ANO3: variants seen among roughly 807,000 people sequenced by gnomAD.
ANO3 encodes the protein anoctamin-3.
A neutral mutation model predicts 144.8 loss-of-function variants in ANO3; 99 were observed. The ratio of observed to expected loss-of-function variants is 0.68; its 90% CI spans 0.58 to 0.81. The LOEUF (loss-of-function observed/expected upper bound fraction) is 0.81, where lower values mean the gene tolerates loss of function less well. ANO3 is among the 30% of genes least tolerant of loss of function. The pLI, the probability that ANO3 is intolerant of heterozygous loss-of-function variation, is 0.00. For synonymous variants in ANO3, 414 were observed against 392.6 expected, an observed-to-expected ratio of 1.05 and a Z score of -0.64; for missense variants, 905 against 1,202.2, an observed-to-expected ratio of 0.75 and a Z score of 3.66.
intron 4 of ANO3, among the ~76,000 whole-genome samples, chr11:26,480,545 T>A (rs1371541149): frequency 6.6e-6 from 1 of 152,144 alleles, no homozygotes; most frequent in Non-Finnish European, 1.5e-5. Flanking sequence ...CGGGCACTCA[T>A]GCCTGTAATC....
At chr11:26,193,393 G>T (rs1285488339) in intron 1 of ANO3, among the ~76,000 whole-genome samples, 1 of 152,006 alleles carries the variant, frequency 6.6e-6, no homozygotes, top group Non-Finnish European at 1.5e-5. Flanking sequence ...ACCCGCCTCA[G>T]CCTCCCAAAG....
At chr11:26,502,850 A>G (rs1430594522) in intron 4 of ANO3, among the ~76,000 whole-genome samples, 3 of 91,524 alleles carry the variant, frequency 3.3e-5, no homozygotes, top group Admixed American at 1.0e-4. Context: ...ACATTCAGGG[A>G]AAAAAAAAAA....
chr11:26,554,592 G>A (rs912903745), intron 13 of ANO3, among the ~76,000 whole-genome samples: 21 of 152,106 alleles, frequency 1.4e-4, no homozygotes, highest in African/African-American at 4.8e-4. Context: ...ACCGAGCCTC[G>A]GTGTGGTCAA....
At chr11:26,640,560 T>A (rs1291789732) in intron 21 of ANO3, among the ~76,000 whole-genome samples, 1 of 152,194 alleles carries the variant, frequency 6.6e-6, no homozygotes, top group Non-Finnish European at 1.5e-5. Context: ...ACTCCATAAG[T>A]ATCAACAAGA....
intron 1 of ANO3, among the ~76,000 whole-genome samples, chr11:26,208,658 T>C (rs560593864): frequency 1.6e-4 from 25 of 152,280 alleles, no homozygotes; most frequent in African/African-American, 4.8e-4. Context: ...CCTCAGGGAA[T>C]TGAATGATTC....
At chr11:26,652,015 C>A (rs182761516) in intron 24 of ANO3, among the ~76,000 whole-genome samples, 39 of 152,266 alleles carry the variant, frequency 2.6e-4, no homozygotes, top group African/African-American at 8.9e-4. Context: ...AAACCAGTTG[C>A]CCAATCACCG....
At chr11:26,199,142 CA>C (rs1851644577) in intron 1 of ANO3, among the ~76,000 whole-genome samples, 1 of 151,148 alleles carries the variant, frequency 6.6e-6, no homozygotes, top group African/African-American at 2.4e-5. Flanking sequence ...GGCCTGGTAA[CA>C]TTAATCTGTG....
At chr11:26,497,003 C>T (rs1239766671) in intron 4 of ANO3, among the ~76,000 whole-genome samples, 2 of 96,460 alleles carry the variant, frequency 2.1e-5, no homozygotes, top group African/African-American at 7.3e-5. Context: ...TATACACACA[C>T]AGACACACAC....
At chr11:26,193,498 T>G (rs1851519619) in intron 1 of ANO3, among the ~76,000 whole-genome samples, 1 of 152,190 alleles carries the variant, frequency 6.6e-6, no homozygotes, top group African/African-American at 2.4e-5. Context: ...GTTTGTATCT[T>G]ACTTCCACAT....
At chr11:26,452,263 C>G (rs1858973335) in intron 3 of ANO3, among the ~76,000 whole-genome samples, 1 of 152,180 alleles carries the variant, frequency 6.6e-6, no homozygotes, top group Admixed American at 6.5e-5. Flanking sequence ...GAGAAGAAGG[C>G]TTCAGATGAT....
rs566242104 is a variant in ANO3, at chr11:26,410,764, G to C, written c.47-31154G>C. The stretch of plus-strand genomic sequence containing the variant: ...GAAAAGAAGGTTAACAGCTGGAACT[G>C]TCTGAATGTAGAATAGGCTACACCG... On this transcript the variant is annotated intron_variant, in intron 1 of 26. Coordinates refer to ENST00000256737, the MANE Select transcript of ANO3 (RefSeq NM_031418.4). Among the ~76,000 whole-genome samples the C allele has an allele frequency of 3.9e-5, 6 of 152,114 alleles. No individual in the cohort carries two copies. The South Asian group carries it at 1.2e-3, about 32-fold the overall frequency.
intron 1 of ANO3, among the ~76,000 whole-genome samples, chr11:26,318,577 G>T (rs1854682867): frequency 6.6e-6 from 1 of 152,206 alleles, no homozygotes. Context: ...ACAATTCGTG[G>T]TTCTATATAA....
At chr11:26,247,480 A>G (rs750964870) in intron 1 of ANO3, among the ~76,000 whole-genome samples, 1 of 152,222 alleles carries the variant, frequency 6.6e-6, no homozygotes, top group Non-Finnish European at 1.5e-5. Context: ...AACATGCTTC[A>G]TCAGTCACAC....
chr11:26,523,691 A>G (rs189735224), intron 6 of ANO3, among the ~76,000 whole-genome samples: 1 of 152,336 alleles, frequency 6.6e-6, no homozygotes, highest in East Asian at 1.9e-4. Context: ...TTCTTACCAT[A>G]TAAGTGTTCT....
At chr11:26,413,187 A>G (rs925880568) in intron 1 of ANO3, among the ~76,000 whole-genome samples, 4 of 152,050 alleles carry the variant, frequency 2.6e-5, no homozygotes, top group African/African-American at 9.7e-5. Flanking sequence ...CATGGTGATC[A>G]TAAAAGCAGG....
chr11:26,641,455 T>G (rs1853148665), intron 21 of ANO3, among the ~76,000 whole-genome samples: 1 of 152,178 alleles, frequency 6.6e-6, no homozygotes, highest in East Asian at 1.9e-4. Context: ...CTCTGAAGAT[T>G]TTAGGTTATG....
Position 26,653,731 on chromosome 11 carries a change from C to T in ANO3, c.2577-2394C>T, listed in dbSNP as rs571777393. Among the ~76,000 whole-genome samples, 29 of 152,070 alleles carry T rather than the reference C, an allele frequency of 1.9e-4. 1 individual carries two copies. The highest frequency in any genetic ancestry group is 2.2e-4 in the African/African-American group (9 of 41,476). On this transcript the variant is annotated intron_variant, in intron 24 of 26. Coordinates refer to ENST00000256737, the MANE Select transcript of ANO3 (RefSeq NM_031418.4). Reference sequence around the variant, plus strand: ...AACTGTCCATCCCCAGATACCCTCACGGCTGCCTCTTTCAACTCCTAATCT... The same window carrying T: ...AACTGTCCATCCCCAGATACCCTCATGGCTGCCTCTTTCAACTCCTAATCT...
intron 1 of ANO3, among the ~76,000 whole-genome samples, chr11:26,406,107 C>T (rs1371267230): frequency 6.6e-6 from 1 of 151,856 alleles, no homozygotes; most frequent in Non-Finnish European, 1.5e-5. Flanking sequence ...CAGAATATCA[C>T]AGAATGAGTA....
At chr11:26,628,637 G>A (rs1248724088) in intron 18 of ANO3, among the ~76,000 whole-genome samples, 1 of 152,216 alleles carries the variant, frequency 6.6e-6, no homozygotes, top group East Asian at 1.9e-4. Flanking sequence ...TATCATCATT[G>A]CAGTAACTTC....
Sources: gnomAD v4.1 joint callset for allele counts (sites outside exome capture counted in the v4.1 genomes callset) on GRCh38, gnomAD v4.1.1 for gene constraint, MANE v1.5 for transcripts, NCBI Gene and HGNC (gene_info 2026-07-23, HGNC 2026-07-21) for gene names.